Variants in FGGY observed in about 807,000 individuals in gnomAD.
The protein encoded by FGGY is FGGY carbohydrate kinase domain containing.
Under a neutral mutation model 71.3 loss-of-function variants are expected in FGGY, and 72 were observed. The ratio of observed to expected loss-of-function variants is 1.01; its 90% CI spans 0.84 to 1.23. The LOEUF is 1.23. Among genes scored for constraint, FGGY ranks in the 50% most tolerant of loss-of-function variants. The pLI, the probability that FGGY is intolerant of heterozygous loss-of-function variation, is 0.00. For synonymous variants in FGGY, 251 were observed against 250.3 expected (o/e 1.00, Z -0.02); for missense variants, 668 against 682.3 (o/e 0.98, Z 0.23).
chr1:59,750,301 A>T (rs1018586115), intron 14 of FGGY, among the ~76,000 whole-genome samples: 7 of 151,696 alleles, frequency 4.6e-5, no homozygotes, highest in Non-Finnish European at 8.8e-5. Flanking sequence ...GCGTCTAAAA[A>T]TTTTTTTTTC....
intron 7 of FGGY, among the ~76,000 whole-genome samples, chr1:59,545,553 A>G (rs1377963121): frequency 6.6e-6 from 1 of 152,146 alleles, no homozygotes; most frequent in Non-Finnish European, 1.5e-5. Context: ...TCTGACATCA[A>G]GTTTTTGCTT....
Position 59,665,916 on chromosome 1 carries a change from G to A in FGGY, c.1297-1367G>A, listed in dbSNP as rs189842170. Among the ~76,000 whole-genome samples the A allele has an allele frequency of 1.4e-4, 21 of 152,122 alleles. No individual in the cohort carries two copies. In the East Asian group the frequency reaches 1.7e-3, roughly 13 times the overall value. On this transcript the variant is annotated intron_variant, in intron 12 of 15. Coordinates refer to ENST00000303721, the MANE Select transcript of FGGY (RefSeq NM_018291.5). Reference sequence around the variant, plus strand: ...TCCCGATCTCCTGACCTCATGATCCGCCCGCCTTGGCCTCCCAAAGTGCTG... The same window carrying A: ...TCCCGATCTCCTGACCTCATGATCCACCCGCCTTGGCCTCCCAAAGTGCTG...
intron 14 of FGGY, chr1:59,733,184 C>A (rs917686185): frequency 6.5e-6 from 1 of 154,400 alleles, no homozygotes; most frequent in African/African-American, 2.4e-5. Flanking sequence ...ATAAAAGTTT[C>A]TGTGTTTCCA....
At chr1:59,648,985 AG>A (rs1409402628) in intron 11 of FGGY, among the ~76,000 whole-genome samples, 6 of 151,476 alleles carry the variant, frequency 4.0e-5, no homozygotes, top group Non-Finnish European at 8.8e-5. Context: ...CAGTTTTCCC[AG>A]CACCATTTAT....
intron 5 of FGGY, among the ~76,000 whole-genome samples, chr1:59,449,732 G>T (rs978707722): frequency 6.6e-6 from 1 of 152,024 alleles, no homozygotes; most frequent in Non-Finnish European, 1.5e-5. Flanking sequence ...CAAAACTAAG[G>T]CAGGATGATT....
At chr1:59,473,649 C>A (rs75909079) in intron 6 of FGGY, among the ~76,000 whole-genome samples, 2,857 of 152,184 alleles carry the variant, frequency 0.019, 42 homozygotes, top group Non-Finnish European at 0.027. Context: ...TAGTTGTGGG[C>A]AAGATAGAGT....
chr1:59,645,939 G>C (rs1352944858), intron 11 of FGGY, among the ~76,000 whole-genome samples: 1 of 152,230 alleles, frequency 6.6e-6, no homozygotes, highest in African/African-American at 2.4e-5. Flanking sequence ...TGCTGGAGAG[G>C]TTGAATGCTG....
At chr1:59,322,344 T>C (rs2046550769) in intron 2 of FGGY, among the ~76,000 whole-genome samples, 1 of 151,662 alleles carries the variant, frequency 6.6e-6, no homozygotes, top group Non-Finnish European at 1.5e-5. Flanking sequence ...GGTGTTTGGT[T>C]ACGTAAGTTC....
At chr1:59,694,728 G>A (rs1268795433) in intron 14 of FGGY, among the ~76,000 whole-genome samples, 1 of 148,472 alleles carries the variant, frequency 6.7e-6, no homozygotes, top group Non-Finnish European at 1.5e-5. Context: ...GTCTCAATGT[G>A]TTGCCCAGGC....
intron 5 of FGGY, among the ~76,000 whole-genome samples, chr1:59,433,710 T>C (rs551340756): frequency 3.9e-5 from 6 of 152,344 alleles, no homozygotes; most frequent in Admixed American, 3.3e-4. Flanking sequence ...TAGAGCCCAA[T>C]GAGAACTCTG....
At chr1:59,425,404 G>C (rs775492714) in intron 5 of FGGY, among the ~76,000 whole-genome samples, 33 of 151,802 alleles carry the variant, frequency 2.2e-4, no homozygotes, top group Non-Finnish European at 3.4e-4. Context: ...ATGGATATTT[G>C]CCCCCAAATT....
intron 6 of FGGY, among the ~76,000 whole-genome samples, chr1:59,458,816 T>C (rs977261561): frequency 6.6e-6 from 1 of 152,232 alleles, no homozygotes; most frequent in African/African-American, 2.4e-5. Flanking sequence ...ACACTTGAGC[T>C]TGTAGTTTCA....
intron 6 of FGGY, among the ~76,000 whole-genome samples, chr1:59,465,463 C>T (rs529968351): frequency 6.6e-6 from 1 of 152,208 alleles, no homozygotes; most frequent in East Asian, 1.9e-4. Context: ...GGGATGCCCT[C>T]TCTCACCACT....
chr1:59,734,680 A>G (rs1187538306), intron 14 of FGGY, among the ~76,000 whole-genome samples: 1 of 152,086 alleles, frequency 6.6e-6, no homozygotes, highest in African/African-American at 2.4e-5. Flanking sequence ...GAATGCCGAG[A>G]CCCTCCTCTC....
In FGGY at chr1:59,499,299, G is replaced by GTTTTTTTTTTTTTT. The variant is rs58170089; in HGVS notation, c.671-13009_671-12996dup. Among the ~76,000 whole-genome samples the GTTTTTTTTTTTTTT allele has an allele frequency of 9.3e-3, 979 of 105,682 alleles. 107 individuals carry two copies. The highest frequency in any genetic ancestry group is 0.012 in the African/African-American group (309 of 25,428). 69.3% of individuals were successfully genotyped at this position (105,682 alleles called of 152,430 possible). ...ACTGAACCCTATGTATACTATGTTT[G>GTTTTTTTTTTTTTT]TTTTTTTTTTTTTTTTGATCTGGTA... On this transcript the variant is annotated intron_variant, in intron 6 of 15. Transcript: ENST00000303721.
chr1:59,577,799 C>G (rs1351636038), intron 8 of FGGY, among the ~76,000 whole-genome samples: 1 of 152,108 alleles, frequency 6.6e-6, no homozygotes, highest in East Asian at 1.9e-4. Context: ...TTACCTTCTC[C>G]TGACTTGGAA....
chr1:59,619,132 G>C (rs947151870), intron 9 of FGGY, among the ~76,000 whole-genome samples: 1 of 152,004 alleles, frequency 6.6e-6, no homozygotes, highest in Non-Finnish European at 1.5e-5. Flanking sequence ...TAGCTCTTCA[G>C]TTGTCATTAG....
chr1:59,373,973 C>G (rs1432334294), intron 4 of FGGY, among the ~76,000 whole-genome samples: 4 of 152,146 alleles, frequency 2.6e-5, no homozygotes. Flanking sequence ...CAGGCAATAC[C>G]ATTCAGGACA....
At chr1:59,306,539 A>G (rs539381903) in intron 1 of FGGY, among the ~76,000 whole-genome samples, 1 of 152,262 alleles carries the variant, frequency 6.6e-6, no homozygotes, top group East Asian at 1.9e-4. Flanking sequence ...CTGCCTGGAG[A>G]GGATCTGTTA....
Sources: allele counts gnomAD v4.1 joint callset (sites outside exome capture counted in the v4.1 genomes callset), GRCh38; gene constraint gnomAD v4.1.1; transcripts MANE v1.5; gene names NCBI Gene and HGNC (gene_info 2026-07-23, HGNC 2026-07-21).